The following RNGTT variants were observed in gnomAD, a reference collection of about 807,000 sequenced individuals.
RNGTT encodes the protein RNA guanylyltransferase and 5'-phosphatase.
Under a neutral mutation model 79.3 loss-of-function variants are expected in RNGTT, and 33 were observed. The ratio of observed to expected loss-of-function variants is 0.42; its 90% CI spans 0.32 to 0.56. The LOEUF is 0.56. Ranked by LOEUF, RNGTT falls within the 20% of genes least tolerant of loss-of-function variation. RNGTT has a pLI of 0.17. For missense variants in RNGTT, 497 were observed against 739.1 expected (o/e 0.67, Z 3.80); for synonymous variants, 222 against 235.9 (o/e 0.94, Z 0.54).
At chr6:88,806,902 C>T (rs1270476890) in intron 11 of RNGTT, among the ~76,000 whole-genome samples, 1 of 152,156 alleles carries the variant, frequency 6.6e-6, no homozygotes, top group Non-Finnish European at 1.5e-5. Context: ...CAATGGAATA[C>T]TATGCAGCCA....
chr6:88,648,829 A>G (rs1773683764), intron 14 of RNGTT, among the ~76,000 whole-genome samples: 1 of 152,176 alleles, frequency 6.6e-6, no homozygotes, highest in African/African-American at 2.4e-5. Context: ...GACACATCAC[A>G]TCCAACTTTG....
intron 8 of RNGTT, among the ~76,000 whole-genome samples, chr6:88,874,039 C>T (rs76154135): frequency 0.015 from 2,325 of 152,162 alleles, 58 homozygotes; most frequent in African/African-American, 0.053. Context: ...TAAGAAGCCT[C>T]TCTTGGTTAT....
intron 11 of RNGTT, among the ~76,000 whole-genome samples, chr6:88,835,973 AAAACACACAC>A (rs1319841019): frequency 3.0e-4 from 28 of 94,492 alleles, no homozygotes; most frequent in Non-Finnish European, 5.2e-4. Context: ...GTCTCTATTA[AAAACACACAC>A]ACACACACAC....
At chr6:88,897,486 C>T (rs570209011) in intron 6 of RNGTT, among the ~76,000 whole-genome samples, 3 of 152,314 alleles carry the variant, frequency 2.0e-5, no homozygotes, top group South Asian at 4.1e-4. Flanking sequence ...TTACTTTCAA[C>T]TTCATTGACT....
chr6:88,721,924 CTTT>C (rs765972254), intron 13 of RNGTT, among the ~76,000 whole-genome samples: 3 of 151,838 alleles, frequency 2.0e-5, no homozygotes, highest in Non-Finnish European at 4.4e-5. Flanking sequence ...ACAATGCTAC[CTTT>C]TTAAATCTTG....
intron 1 of RNGTT, among the ~76,000 whole-genome samples, chr6:88,956,247 AGAG>A (rs1290476461): frequency 2.0e-5 from 3 of 151,990 alleles, no homozygotes; most frequent in Non-Finnish European, 2.9e-5. Context: ...TAGAAAATCT[AGAG>A]GAGATGGATA....
At chr6:88,814,456 C>CT (rs1240719066) in intron 11 of RNGTT, among the ~76,000 whole-genome samples, 2 of 152,054 alleles carry the variant, frequency 1.3e-5, no homozygotes, top group Admixed American at 6.6e-5. Context: ...TTTTAAAGCC[C>CT]TTTTTTTCCT....
intron 11 of RNGTT, among the ~76,000 whole-genome samples, chr6:88,813,325 T>C (rs1780205602): frequency 6.6e-6 from 1 of 152,162 alleles, no homozygotes; most frequent in Non-Finnish European, 1.5e-5. Context: ...TAGCTGTGCA[T>C]GCCTGAGGAC....
At position 88,880,694 on chromosome 6, in the gene RNGTT, T is replaced by TA. The variant is rs552978457; in HGVS notation, c.896+9800dup. The stretch of plus-strand genomic sequence containing the variant: ...GTACTTATTAAAACCATTTGGTTTT[T>TA]ACCTACTGATTCAATAATAGTTGAA... On this transcript the variant is annotated intron_variant, in intron 8 of 15. Transcript: ENST00000369485. Among the ~76,000 whole-genome samples the TA allele has an allele frequency of 1.3e-3, 194 of 152,314 alleles. 4 individuals carry two copies. Among genetic ancestry groups the TA allele is most frequent in the African/African-American group, 4.4e-3 (185 of 41,590 alleles).
chr6:88,925,501 G>A (rs1042467341), intron 4 of RNGTT, among the ~76,000 whole-genome samples: 1 of 151,596 alleles, frequency 6.6e-6, no homozygotes, highest in Non-Finnish European at 1.5e-5. Flanking sequence ...GCTGAGGTGG[G>A]AGGATCACTT....
intron 4 of RNGTT, among the ~76,000 whole-genome samples, chr6:88,920,004 C>G (rs1207394517): frequency 1.3e-5 from 2 of 152,150 alleles, no homozygotes; most frequent in Non-Finnish European, 2.9e-5. Flanking sequence ...TAGTTCTCAA[C>G]TGGGGAAGAT....
In RNGTT at chr6:88,853,621, T is replaced by G. The variant is rs760611457; in HGVS notation, c.1032+8A>C. On this transcript the variant is annotated splice_region_variant and intron_variant, in intron 9 of 15. Transcript: ENST00000369485. Reference sequence around the variant, plus strand: ...TTTAATTTTATAGTATACATAAATATGACTTACGCCATCCAAGAGAGTATT... The same window carrying G: ...TTTAATTTTATAGTATACATAAATAGGACTTACGCCATCCAAGAGAGTATT... The G allele has an allele frequency of 2.2e-5, 34 of 1,549,618 alleles. No homozygotes were observed. The highest frequency in any genetic ancestry group is 2.9e-5 in the Non-Finnish European group (33 of 1,141,036).
intron 1 of RNGTT, among the ~76,000 whole-genome samples, chr6:88,945,740 G>C (rs1442446129): frequency 6.6e-6 from 1 of 152,156 alleles, no homozygotes; most frequent in Non-Finnish European, 1.5e-5. Context: ...TTGTAGTTGA[G>C]TGAGGGCCAT....
At chr6:88,951,267 T>C (rs540791579) in intron 1 of RNGTT, among the ~76,000 whole-genome samples, 7 of 152,146 alleles carry the variant, frequency 4.6e-5, no homozygotes, top group Non-Finnish European at 1.0e-4. Flanking sequence ...AGCAAAGTGG[T>C]TTCCTGATAT....
chr6:88,942,471 A>G (rs1020062664), intron 1 of RNGTT, among the ~76,000 whole-genome samples: 1 of 152,022 alleles, frequency 6.6e-6, no homozygotes, highest in Non-Finnish European at 1.5e-5. Context: ...CCTGGGCTCA[A>G]GCAATCCTTC....
At chr6:88,664,674 A>G (rs1418410673) in intron 14 of RNGTT, among the ~76,000 whole-genome samples, 1 of 152,186 alleles carries the variant, frequency 6.6e-6, no homozygotes, top group African/African-American at 2.4e-5. Flanking sequence ...CATTGGAAAG[A>G]TAAGTGCCCT....
In RNGTT at chr6:88,716,977, T is replaced by C. The variant is rs144921368; in HGVS notation, c.1440-38558A>G. ...AAACTTAAAGTATAATTAAAAAAAA[T>C]GTAAACTGAGCACTCATTCCATTTG... On this transcript the variant is annotated intron_variant, in intron 13 of 15. Coordinates refer to ENST00000369485, the MANE Select transcript of RNGTT (RefSeq NM_003800.5). Among the ~76,000 whole-genome samples, 881 of 152,108 alleles carry C rather than the reference T, an allele frequency of 5.8e-3. 8 individuals carry two copies. The highest frequency in any genetic ancestry group is 0.019 in the African/African-American group (808 of 41,520).
intron 12 of RNGTT, among the ~76,000 whole-genome samples, chr6:88,788,918 T>A (rs982422816): frequency 7.2e-5 from 11 of 152,238 alleles, no homozygotes; most frequent in African/African-American, 2.7e-4. Context: ...ACTGATTAAC[T>A]TTTCCTTCTT....
At chr6:88,644,709 A>G (rs888715462) in intron 14 of RNGTT, among the ~76,000 whole-genome samples, 14 of 152,248 alleles carry the variant, frequency 9.2e-5, no homozygotes, top group African/African-American at 2.9e-4. Flanking sequence ...TACGCTAATC[A>G]ATAAACATAA....
Sources: gnomAD v4.1 joint callset for allele counts (sites outside exome capture counted in the v4.1 genomes callset) on GRCh38, gnomAD v4.1.1 for gene constraint, MANE v1.5 for transcripts, NCBI Gene and HGNC (gene_info 2026-07-23, HGNC 2026-07-21) for gene names.